The following RMDN1 variants were observed in gnomAD, a reference collection of about 807,000 sequenced individuals.
RMDN1 encodes the protein regulator of microtubule dynamics 1, also known as regulator of microtubule dynamics protein 1.
In RMDN1, 48 loss-of-function variants were observed where a neutral mutation model predicts 48.9. The ratio of observed to expected loss-of-function variants is 0.98; its 90% confidence interval spans 0.78 to 1.25. The LOEUF (loss-of-function observed/expected upper bound fraction) is 1.25. RMDN1 is among the 50% of genes most tolerant of loss of function. The pLI is 0.00. For synonymous variants in RMDN1, 148 were observed against 132.6 expected, an observed-to-expected ratio of 1.12 and a Z score of -0.80; for missense variants, 418 against 373.4, an observed-to-expected ratio of 1.12 and a Z score of -0.98.
At chr8:86,494,542 C>A (rs902556590) in intron 2 of RMDN1, among the ~76,000 whole-genome samples, 2 of 152,102 alleles carry the variant, frequency 1.3e-5, no homozygotes, top group African/African-American at 2.4e-5. Context: ...GGTGACAGAG[C>A]GAGACTCTGT....
chr8:86,488,237 G>C (rs759120176), intron 3 of RMDN1, among the ~76,000 whole-genome samples: 7 of 151,890 alleles, frequency 4.6e-5, no homozygotes, highest in Non-Finnish European at 1.0e-4. Context: ...AAAACAATGA[G>C]AAATATACAA....
intron 1 of RMDN1, chr8:86,514,155 T>A: frequency 1.6e-6 from 1 of 624,700 alleles, no homozygotes; most frequent in Non-Finnish European, 2.0e-6. Context: ...CGCCCAGTCT[T>A]CTCAGTTCAG....
chr8:86,508,080 C>G (rs1682066330), intron 1 of RMDN1: 1 of 168,712 alleles, frequency 5.9e-6, no homozygotes. Context: ...TATGAAATCT[C>G]TGCTTCTGAG....
intron 2 of RMDN1, 39 bp downstream of exon 2, chr8:86,506,956 A>G (rs756781080): frequency 8.9e-7 from 1 of 1,119,320 alleles, no homozygotes; most frequent in Non-Finnish European, 1.3e-6. Context: ...ACGCACACAA[A>G]AAAACTCTAA....
At position 86,488,657 on chromosome 8, in the gene RMDN1, G is replaced by GA. The variant is rs746258149; in HGVS notation, c.248-19dup. 1 of 1,560,940 alleles carries GA rather than the reference G, an allele frequency of 6.4e-7. No homozygotes were observed. The highest frequency in any genetic ancestry group is 2.3e-5 in the East Asian group (1 of 44,140). On this transcript the variant is annotated intron_variant, in intron 2 of 9. Transcript: ENST00000406452. ...TTCTTCAACTTCAAAGATTATAAAG[G>GA]AAAAAAGACACAATAAAATAGGTCT...
intron 2 of RMDN1, among the ~76,000 whole-genome samples, chr8:86,505,539 T>C (rs1187539706): frequency 6.6e-6 from 1 of 152,242 alleles, no homozygotes; most frequent in Non-Finnish European, 1.5e-5. Context: ...TTGAGTTTTA[T>C]TTATTTTACC....
At chr8:86,503,710 T>C (rs916919357) in intron 2 of RMDN1, 1 of 474,220 alleles carries the variant, frequency 2.1e-6, no homozygotes, top group Non-Finnish European at 4.2e-6. Context: ...TCAATAACAC[T>C]TTGAGTGACC....
chr8:86,487,439 T>G (rs936881093), intron 3 of RMDN1, among the ~76,000 whole-genome samples: 1 of 151,986 alleles, frequency 6.6e-6, no homozygotes, highest in African/African-American at 2.4e-5. Flanking sequence ...AAATACAAAA[T>G]TAGCCGGGTG....
At chr8:86,480,633 T>TA (rs1267571181) in intron 5 of RMDN1, among the ~76,000 whole-genome samples, 1 of 152,106 alleles carries the variant, frequency 6.6e-6, no homozygotes, top group Non-Finnish European at 1.5e-5. Flanking sequence ...TCTTGCAAAT[T>TA]AATCTATAGC....
intron 1 of RMDN1, among the ~76,000 whole-genome samples, chr8:86,507,395 T>C (rs977906133): frequency 1.1e-4 from 16 of 152,218 alleles, no homozygotes; most frequent in Non-Finnish European, 1.9e-4. Flanking sequence ...TGCATGGATA[T>C]TGCAAATTGT....
chr8:86,483,079 T>C, intron 5 of RMDN1: 1 of 436,676 alleles, frequency 2.3e-6, no homozygotes, highest in Non-Finnish European at 4.1e-6. Flanking sequence ...AGCAAACTCT[T>C]TTATAATCAA....
intron 4 of RMDN1, among the ~76,000 whole-genome samples, chr8:86,485,194 G>A (rs933675810): frequency 1.3e-5 from 2 of 152,190 alleles, no homozygotes; most frequent in African/African-American, 2.4e-5. Context: ...TTGGGAGGCC[G>A]AGGTGGATGG....
chr8:86,470,931 C>T (rs997851450), downstream of RMDN1, among the ~76,000 whole-genome samples: 79 of 151,946 alleles, frequency 5.2e-4, no homozygotes, highest in African/African-American at 1.6e-3. Flanking sequence ...TTTGTGATGA[C>T]GGAACAGGTC....
Position 86,477,333 on chromosome 8 carries a change from AACAC to A in RMDN1, c.730-13_730-10del. ...TGAAAGTAGCCTAAGGCCTGTCAAA[AACAC>A]AAAGAGCCCAAACATAATAAAAAAG... On this transcript the variant is annotated splice_polypyrimidine_tract_variant and intron_variant, in intron 7 of 9. Transcript: ENST00000406452. 8 of 1,595,102 alleles carry A rather than the reference AACAC, an allele frequency of 5.0e-6. No individual in the cohort carries two copies. The highest frequency in any genetic ancestry group is 6.8e-6 in the Non-Finnish European group (8 of 1,171,098).
At chr8:86,486,376 A>T (rs1228586915) in intron 4 of RMDN1, 108 bp downstream of exon 4, 1 of 766,664 alleles carries the variant, frequency 1.3e-6, no homozygotes, top group South Asian at 5.5e-5. Flanking sequence ...AAAAGAAAAA[A>T]AAACTTAAAA....
At position 86,473,817 on chromosome 8, in the gene RMDN1, T is replaced by A; in HGVS notation, c.*491A>T. 1 of 984,882 alleles carries A rather than the reference T, an allele frequency of 1.0e-6. No individual in the cohort carries two copies. Among genetic ancestry groups the A allele is most frequent in the Non-Finnish European group, 1.2e-6 (1 of 829,406 alleles). 61.0% of individuals were successfully genotyped at this position (984,882 alleles called of 1,614,324 possible). The stretch of plus-strand genomic sequence containing the variant: ...ATTTTTAGTCATCTCCTTACTTAGT[T>A]CTTTACTTACACAGGTTAGCTCCAA... On this transcript the variant is annotated 3_prime_UTR_variant, in exon 10 of 10. Transcript: ENST00000406452.
chr8:86,482,583 T>C, intron 5 of RMDN1: 1 of 749,466 alleles, frequency 1.3e-6, no homozygotes, highest in Admixed American at 1.7e-5. Flanking sequence ...AGTTAATGAG[T>C]GAGTTTTTGT....
intron 2 of RMDN1, chr8:86,494,888 C>T: frequency 2.4e-6 from 1 of 411,294 alleles, no homozygotes; most frequent in Non-Finnish European, 4.8e-6. Context: ...GTGGGAGGAT[C>T]ACTTGAACCC....
At chr8:86,488,665 A>G in intron 2 of RMDN1, 26 bp from the exon 3 acceptor site, 3 of 1,540,636 alleles carry the variant, frequency 1.9e-6, no homozygotes, top group Non-Finnish European at 2.7e-6. Context: ...AGGAAAAAAG[A>G]CACAATAAAA....
Sources: allele counts gnomAD v4.1 joint callset (sites outside exome capture counted in the v4.1 genomes callset), GRCh38; gene constraint gnomAD v4.1.1; transcripts MANE v1.5; gene names NCBI Gene and HGNC (gene_info 2026-07-23, HGNC 2026-07-21).